The following PLCXD3 variants were observed in gnomAD, a reference collection of about 807,000 sequenced individuals.
PLCXD3 encodes phosphatidylinositol specific phospholipase C X domain containing 3.
In PLCXD3, 19 loss-of-function variants were observed where a neutral mutation model predicts 25.5. That is an observed-to-expected ratio of 0.75 (90% CI 0.52 to 1.09). PLCXD3 has a LOEUF of 1.09. PLCXD3 is among the 50% of genes least tolerant of loss of function. The pLI is 0.00. For synonymous variants in PLCXD3, 174 were observed against 137.6 expected, an observed-to-expected ratio of 1.26 and a Z score of -1.85; for missense variants, 411 against 388.1, an observed-to-expected ratio of 1.06 and a Z score of -0.50.
intron 1 of PLCXD3, among the ~76,000 whole-genome samples, chr5:41,495,759 T>C (rs932723738): frequency 6.6e-6 from 1 of 152,340 alleles, no homozygotes; most frequent in Middle Eastern, 3.4e-3. Context: ...GATTGATGAA[T>C]GCCTTTCCCT....
intron 1 of PLCXD3, among the ~76,000 whole-genome samples, chr5:41,436,548 C>T (rs1747259128): frequency 1.3e-5 from 2 of 152,120 alleles, no homozygotes; most frequent in South Asian, 4.1e-4. Flanking sequence ...TATTAGGCAC[C>T]TCTTTGTAAT....
At chr5:41,422,149 T>G (rs960783104) in intron 1 of PLCXD3, among the ~76,000 whole-genome samples, 1 of 152,218 alleles carries the variant, frequency 6.6e-6, no homozygotes, top group Non-Finnish European at 1.5e-5. Flanking sequence ...CTATTGGAAC[T>G]CCATATTTCT....
chr5:41,496,642 A>AG, intron 1 of PLCXD3, among the ~76,000 whole-genome samples: 1 of 151,150 alleles, frequency 6.6e-6, no homozygotes, highest in Non-Finnish European at 1.5e-5. Flanking sequence ...AAAAAAAAAA[A>AG]AGCCTAGAAA....
At chr5:41,350,851 T>C (rs541581212) in intron 2 of PLCXD3, among the ~76,000 whole-genome samples, 14 of 152,322 alleles carry the variant, frequency 9.2e-5, no homozygotes, top group East Asian at 1.9e-4. Context: ...TTTTATGTCT[T>C]TGTTTTTTGT....
At chr5:41,399,081 A>G (rs978735388) in intron 1 of PLCXD3, among the ~76,000 whole-genome samples, 10 of 152,206 alleles carry the variant, frequency 6.6e-5, no homozygotes, top group Admixed American at 2.6e-4. Context: ...AAAGAAATAA[A>G]GTAATCCCAT....
intron 1 of PLCXD3, among the ~76,000 whole-genome samples, chr5:41,426,282 T>C (rs1746954347): frequency 6.6e-6 from 1 of 152,018 alleles, no homozygotes; most frequent in Non-Finnish European, 1.5e-5. Context: ...CTTTGGCTCA[T>C]TTATTTTAAT....
intron 1 of PLCXD3, among the ~76,000 whole-genome samples, chr5:41,502,371 A>G (rs760609469): frequency 6.6e-6 from 1 of 151,758 alleles, no homozygotes; most frequent in Admixed American, 6.6e-5. Context: ...GGATAAAATT[A>G]TGTGTCTGTG....
intron 1 of PLCXD3, among the ~76,000 whole-genome samples, chr5:41,437,867 G>A (rs531711668): frequency 1.3e-5 from 2 of 152,254 alleles, no homozygotes; most frequent in East Asian, 1.9e-4. Context: ...GAAAAAGGGA[G>A]GCTAACTACT....
At position 41,322,871 on chromosome 5, in the gene PLCXD3, G is replaced by C. The variant is rs796464006; in HGVS notation, c.813-9101C>G. Among the ~76,000 whole-genome samples, 14 of 152,154 alleles carry C rather than the reference G, an allele frequency of 9.2e-5. 1 individual carries two copies. Among genetic ancestry groups the C allele is most frequent in the African/African-American group, 3.4e-4 (14 of 41,508 alleles). On this transcript the variant is annotated intron_variant, in intron 2 of 2. Coordinates refer to ENST00000377801, the MANE Select transcript of PLCXD3 (RefSeq NM_001005473.3). ...CACCTGTAGTCCCAGCTACTCAGGAGGCTGAGTCAGGGGAATTGCTTGAAC... is the reference window on the plus strand; with the variant it reads ...CACCTGTAGTCCCAGCTACTCAGGACGCTGAGTCAGGGGAATTGCTTGAAC...
chr5:41,426,634 A>G (rs975768645), intron 1 of PLCXD3, among the ~76,000 whole-genome samples: 2 of 152,038 alleles, frequency 1.3e-5, no homozygotes, highest in African/African-American at 4.8e-5. Context: ...CCATGTTATT[A>G]CTGTCTAGAA....
chr5:41,320,088 C>T (rs1456013098), intron 2 of PLCXD3, among the ~76,000 whole-genome samples: 1 of 152,100 alleles, frequency 6.6e-6, no homozygotes, highest in East Asian at 1.9e-4. Flanking sequence ...AGACCAATAA[C>T]AAGTAATGAG....
intron 1 of PLCXD3, among the ~76,000 whole-genome samples, chr5:41,450,827 G>T (rs183104132): frequency 6.6e-6 from 1 of 152,100 alleles, no homozygotes; most frequent in South Asian, 2.1e-4. Flanking sequence ...GATTCTATAC[G>T]CAGAGATGGA....
chr5:41,397,702 C>A (rs1746052091), intron 1 of PLCXD3, among the ~76,000 whole-genome samples: 1 of 152,192 alleles, frequency 6.6e-6, no homozygotes. Context: ...TCACTCAATA[C>A]CAGCTTGTGA....
intron 1 of PLCXD3, among the ~76,000 whole-genome samples, chr5:41,412,231 G>T (rs142106908): frequency 6.6e-6 from 1 of 152,010 alleles, no homozygotes; most frequent in African/African-American, 2.4e-5. Flanking sequence ...AAATGCATTG[G>T]GTTACAACAT....
In PLCXD3 at chr5:41,484,219, G is replaced by T. The variant is rs369814827; in HGVS notation, c.103+26205C>A. On this transcript the variant is annotated intron_variant, in intron 1 of 2. Coordinates refer to ENST00000377801, the MANE Select transcript of PLCXD3 (RefSeq NM_001005473.3). ...TTAAGTAAATTCTTGTACTCATAAAGTCTGTGACTTAAGATCCTGGAACAT... is the reference window on the plus strand; with the variant it reads ...TTAAGTAAATTCTTGTACTCATAAATTCTGTGACTTAAGATCCTGGAACAT... Among the ~76,000 whole-genome samples the T allele has an allele frequency of 5.3e-5, 8 of 151,432 alleles. No individual in the cohort carries two copies. The South Asian group carries it at 8.4e-4, about 16-fold the overall frequency.
intron 1 of PLCXD3, among the ~76,000 whole-genome samples, chr5:41,466,762 G>A (rs909002655): frequency 2.0e-5 from 3 of 152,082 alleles, no homozygotes; most frequent in Admixed American, 2.0e-4. Flanking sequence ...TAACTTCTAT[G>A]AATTCAACTT....
intron 1 of PLCXD3, among the ~76,000 whole-genome samples, chr5:41,493,177 G>A (rs1748744311): frequency 6.6e-6 from 1 of 152,174 alleles, no homozygotes; most frequent in Admixed American, 6.5e-5. Context: ...CAGGTCTGTT[G>A]GAGTTTGCTG....
At chr5:41,315,348 G>A (rs1306802370) in intron 2 of PLCXD3, among the ~76,000 whole-genome samples, 1 of 151,800 alleles carries the variant, frequency 6.6e-6, no homozygotes, top group Non-Finnish European at 1.5e-5. Flanking sequence ...AAGAAGGGGA[G>A]GAGAGTTTAA....
rs318088 is a variant in PLCXD3 at position 41,468,663 on chromosome 5, T to G, written c.103+41761A>C. On this transcript the variant is annotated intron_variant, in intron 1 of 2. Transcript: ENST00000377801. ...GTAAATGGGATTATTTTATTTTTCTTTCAGATAGTCTGTTATTAGTATATA... is the reference window on the plus strand; with the variant it reads ...GTAAATGGGATTATTTTATTTTTCTGTCAGATAGTCTGTTATTAGTATATA... Among the ~76,000 whole-genome samples the G allele has an allele frequency of 9.2e-3, 1,399 of 152,290 alleles. 19 individuals are homozygous for G. The highest frequency in any genetic ancestry group is 0.034 in the Middle Eastern group (10 of 294).
Sources: allele counts gnomAD v4.1 joint callset (sites outside exome capture counted in the v4.1 genomes callset), GRCh38; gene constraint gnomAD v4.1.1; transcripts MANE v1.5; gene names NCBI Gene and HGNC (gene_info 2026-07-23, HGNC 2026-07-21).